Variants in KCNQ1 observed in about 807,000 individuals in gnomAD.
KCNQ1 encodes potassium voltage-gated channel subfamily KQT member 1.
KCNQ1 carries 49 observed loss-of-function variants against 72.4 expected under a neutral mutation model. The observed-to-expected ratio is 0.68, with a 90% CI of 0.54 to 0.86. The LOEUF (loss-of-function observed/expected upper bound fraction) is 0.86, where lower values mean the gene tolerates loss of function less well. KCNQ1 is among the 40% of genes least tolerant of loss of function. The pLI is 0.00. For missense variants in KCNQ1, 790 were observed against 945.1 expected, an observed-to-expected ratio of 0.84 and a Z score of 2.15; for synonymous variants, 450 against 412.6, an observed-to-expected ratio of 1.09 and a Z score of -1.10.
At chr11:2,539,391 G>A (rs897932100) in intron 2 of KCNQ1, among the ~76,000 whole-genome samples, 2 of 152,228 alleles carry the variant, frequency 1.3e-5, no homozygotes, top group African/African-American at 4.8e-5. Context: ...TCTTTCCAGA[G>A]CATTGAGTGG....
Position 2,745,851 on chromosome 11 carries a change from G to A in KCNQ1, c.1515-22993G>A, listed in dbSNP as rs554478346. Among the ~76,000 whole-genome samples the A allele has an allele frequency of 9.0e-4, 137 of 152,324 alleles. 2 individuals are homozygous for A. Among genetic ancestry groups the A allele is most frequent in the Admixed American group, 3.7e-3 (57 of 15,300 alleles). On this transcript the variant is annotated intron_variant, in intron 11 of 15. Coordinates refer to ENST00000155840, the MANE Select transcript of KCNQ1 (RefSeq NM_000218.3). The surrounding 1 kb of genome is among the most constrained non-coding windows in gnomAD (Gnocchi z 6.2). ...GGCAGCAGCAAGGCAGCTCATCCTCGGCTGCCTCTTCTCCCTCACTACTAT... is the reference window on the plus strand; with the variant it reads ...GGCAGCAGCAAGGCAGCTCATCCTCAGCTGCCTCTTCTCCCTCACTACTAT...
At chr11:2,684,646 G>C in intron 11 of KCNQ1, 2 of 398,650 alleles carry the variant, frequency 5.0e-6, no homozygotes, top group Non-Finnish European at 8.8e-6. Flanking sequence ...AGAAGGAACA[G>C]GAAAGAAAGG....
In KCNQ1 at chr11:2,498,168, G is replaced by A. The variant is rs551989534; in HGVS notation, c.387-29760G>A. On this transcript the variant is annotated intron_variant, in intron 1 of 15. Coordinates refer to ENST00000155840, the MANE Select transcript of KCNQ1 (RefSeq NM_000218.3). This position sits in a 1 kb window ranked among gnomAD's most constrained non-coding sequence, Gnocchi z 4.8. ...TGGGGCTCAGGGACCCACTTGAGGA[G>A]GCAGTCTGTCCCTTAGCAGAGCTCA... 3.9e-5 allele frequency among the ~76,000 whole-genome samples: 6 copies of A among 152,332 alleles called. No individual in the cohort carries two copies. The South Asian group carries it at 1.2e-3, about 32-fold the overall frequency.
intron 15 of KCNQ1, among the ~76,000 whole-genome samples, chr11:2,788,216 A>G (rs1846949299): frequency 6.6e-6 from 1 of 150,914 alleles, no homozygotes; most frequent in Non-Finnish European, 1.5e-5. Flanking sequence ...TCTCCACAGC[A>G]TCCTCCCCAA....
chr11:2,519,778 C>T (rs1052299117), intron 1 of KCNQ1, among the ~76,000 whole-genome samples: 2 of 98,032 alleles, frequency 2.0e-5, no homozygotes, highest in African/African-American at 3.7e-5. Flanking sequence ...TGTTGGCCCC[C>T]CCCCACAACA....
At position 2,638,087 on chromosome 11, in the gene KCNQ1, G is replaced by T. The variant is rs1849507136; in HGVS notation, c.1394-23874G>T. 4 of 152,218 alleles carry T rather than the reference G, an allele frequency of 2.6e-5. No homozygotes were observed. In the South Asian group the frequency reaches 8.3e-4, roughly 32 times the overall value. 9.4% of individuals were successfully genotyped at this position (152,218 alleles called of 1,614,324 possible). On this transcript the variant is annotated intron_variant, in intron 10 of 15. Coordinates refer to ENST00000155840, the MANE Select transcript of KCNQ1 (RefSeq NM_000218.3). ...CTATGTGTGTCTCTGCACGTGAGAT[G>T]GGTCTCCTGAATACAGCACACTGAT...
intron 1 of KCNQ1, among the ~76,000 whole-genome samples, chr11:2,459,732 C>T (rs958764547): frequency 1.4e-4 from 21 of 152,024 alleles, no homozygotes; most frequent in Non-Finnish European, 2.8e-4. Flanking sequence ...ACAAAGAGTT[C>T]CCCCTTTGTG....
Position 2,678,043 on chromosome 11 carries a change from T to C in KCNQ1, c.1514+15962T>C. The C allele has an allele frequency of 2.5e-6, 1 of 398,496 alleles. No individual in the cohort carries two copies. The highest frequency in any genetic ancestry group is 4.4e-5 in the Admixed American group (1 of 22,746). 24.7% of individuals were successfully genotyped at this position (398,496 alleles called of 1,614,324 possible). On this transcript the variant is annotated intron_variant, in intron 11 of 15. Coordinates refer to ENST00000155840, the MANE Select transcript of KCNQ1 (RefSeq NM_000218.3). This position sits in a 1 kb window ranked among gnomAD's most constrained non-coding sequence, Gnocchi z 4.9. Reference sequence around the variant, plus strand: ...ATTTGTTTTTCTTTCTTGTGAACTATTTCTTCATACCCTTTGGACTTTGTA... The same window carrying C: ...ATTTGTTTTTCTTTCTTGTGAACTACTTCTTCATACCCTTTGGACTTTGTA...
intron 15 of KCNQ1, among the ~76,000 whole-genome samples, chr11:2,820,566 G>A (rs958351594): frequency 2.6e-5 from 4 of 151,272 alleles, no homozygotes; most frequent in African/African-American, 7.4e-5. Flanking sequence ...TTACCTTGCT[G>A]TTTGTTTGTT....
Position 2,613,845 on chromosome 11 carries a change from T to A in KCNQ1, c.1393+24991T>A, listed in dbSNP as rs1047054278. ...GTAACCAGTTTCAGTGTTTTCTAGT[T>A]TATAGTTTGTGTGTGTTTGCTCTTT... On this transcript the variant is annotated intron_variant, in intron 10 of 15. Transcript: ENST00000155840. The surrounding 1 kb of genome is among the most constrained non-coding windows in gnomAD (Gnocchi z 4.8). The A allele has an allele frequency of 3.0e-5, 12 of 398,452 alleles. No homozygotes were observed. Among genetic ancestry groups the A allele is most frequent in the Admixed American group, 1.3e-4 (3 of 22,722 alleles). The allele number at this position is 398,452 out of a possible 1,614,324, so 24.7% of individuals were successfully genotyped here.
At chr11:2,528,163 C>G in intron 2 of KCNQ1, 145 bp downstream of exon 2, 1 of 758,682 alleles carries the variant, frequency 1.3e-6, no homozygotes, top group Non-Finnish European at 2.3e-6. Context: ...CAGGGGGCAC[C>G]TCCCCAGCCC....
chr11:2,829,126 G>T (rs892254460), intron 15 of KCNQ1, among the ~76,000 whole-genome samples: 1 of 152,196 alleles, frequency 6.6e-6, no homozygotes, highest in African/African-American at 2.4e-5. Flanking sequence ...TTGAGGACGT[G>T]CTCTAGCAAA....
intron 15 of KCNQ1, among the ~76,000 whole-genome samples, chr11:2,789,552 C>A (rs1294591369): frequency 3.3e-5 from 5 of 152,204 alleles, no homozygotes; most frequent in African/African-American, 9.6e-5. Flanking sequence ...CAGTAAGAAA[C>A]CAAAGTTGCC....
Position 2,682,276 on chromosome 11 carries a change from G to A in KCNQ1, c.1514+20195G>A. 2.5e-6 allele frequency: 1 copy of A among 398,544 alleles called. No individual in the cohort carries two copies. The highest frequency in any genetic ancestry group is 3.6e-5 in the East Asian group (1 of 28,074). 24.7% of individuals were successfully genotyped at this position (398,544 alleles called of 1,614,324 possible). On this transcript the variant is annotated intron_variant, in intron 11 of 15. Transcript: ENST00000155840. This position sits in a 1 kb window ranked among gnomAD's most constrained non-coding sequence, Gnocchi z 5.8. ...GAGCCAATTTCTAAAGCTTAAGACT[G>A]GGCTGTAAAAAATCACATACCTCCC... is the stretch of plus-strand genomic sequence containing the variant.
At position 2,482,770 on chromosome 11, in the gene KCNQ1, G is replaced by GCT. The variant is rs1488402120; in HGVS notation, c.386+37289_386+37290dup. 6.6e-6 allele frequency among the ~76,000 whole-genome samples: 1 copy of GCT among 152,068 alleles called. No homozygotes were observed. Among genetic ancestry groups the GCT allele is most frequent in the Non-Finnish European group, 1.5e-5 (1 of 68,014 alleles). ...AGGGGAGTATGTTTATGTTTGTTGA[G>GCT]CTCTTTGTATTTTAGCCACCCATTC... On this transcript the variant is annotated intron_variant, in intron 1 of 15. Coordinates refer to ENST00000155840, the MANE Select transcript of KCNQ1 (RefSeq NM_000218.3). This position sits in a 1 kb window ranked among gnomAD's most constrained non-coding sequence, Gnocchi z 5.7.
At position 2,647,139 on chromosome 11, in the gene KCNQ1, G is replaced by C; in HGVS notation, c.1394-14822G>C. ...TCATATATGACCTTCATTGAGTTAT[G>C]TTCCTTCTAGACATTATGTGATGAG... On this transcript the variant is annotated intron_variant, in intron 10 of 15. Transcript: ENST00000155840. This position sits in a 1 kb window ranked among gnomAD's most constrained non-coding sequence, Gnocchi z 4.0. 2.5e-6 allele frequency: 1 copy of C among 398,278 alleles called. No individual in the cohort carries two copies. The highest frequency in any genetic ancestry group is 3.6e-5 in the East Asian group (1 of 28,020). The allele number at this position is 398,278 out of a possible 1,614,324, so 24.7% of individuals were successfully genotyped here.
chr11:2,463,114 G>T lies in KCNQ1; in HGVS notation c.386+17630G>T, dbSNP rs1208052851. Among the ~76,000 whole-genome samples the T allele has an allele frequency of 6.6e-6, 1 of 152,138 alleles. No homozygotes were observed. Among genetic ancestry groups the T allele is most frequent in the Admixed American group, 6.5e-5 (1 of 15,278 alleles). On this transcript the variant is annotated intron_variant, in intron 1 of 15. Coordinates refer to ENST00000155840, the MANE Select transcript of KCNQ1 (RefSeq NM_000218.3). The surrounding 1 kb of genome is among the most constrained non-coding windows in gnomAD (Gnocchi z 7.0). Reference sequence around the variant, plus strand: ...TGTGGGGAGTGGGAAGTGGGGGACGGGGTGGATTCCAGGATTCCGGGTTGT... The same window carrying T: ...TGTGGGGAGTGGGAAGTGGGGGACGTGGTGGATTCCAGGATTCCGGGTTGT...
intron 1 of KCNQ1, among the ~76,000 whole-genome samples, chr11:2,469,902 C>T (rs558196113): frequency 9.2e-5 from 14 of 152,144 alleles, no homozygotes; most frequent in South Asian, 2.1e-4. Context: ...CCTCGTGATC[C>T]GCCCGCCTCA....
intron 15 of KCNQ1, among the ~76,000 whole-genome samples, chr11:2,800,781 G>A (rs563882590): frequency 1.1e-4 from 16 of 152,288 alleles, no homozygotes; most frequent in African/African-American, 3.9e-4. Flanking sequence ...CATTGAGCAC[G>A]GAGAAGAGCA....
Sources: gnomAD v4.1 joint callset for allele counts (sites outside exome capture counted in the v4.1 genomes callset) on GRCh38, gnomAD v4.1.1 for gene constraint, Gnocchi (gnomAD v3.1) non-coding constraint, MANE v1.5 for transcripts, NCBI Gene and HGNC (gene_info 2026-07-23, HGNC 2026-07-21) for gene names.